The following F13A1 variants were observed in gnomAD, a reference collection of about 807,000 sequenced individuals.
F13A1 encodes the protein coagulation factor XIII A chain.
In F13A1, 47 loss-of-function variants were observed where a neutral mutation model predicts 80.1. The observed-to-expected ratio is 0.59, with a 90% confidence interval of 0.46 to 0.75. The LOEUF (loss-of-function observed/expected upper bound fraction) is 0.75, where lower values mean the gene tolerates loss of function less well. Ranked by LOEUF, F13A1 falls within the 30% of genes least tolerant of loss-of-function variation. The pLI is 0.00. For missense variants in F13A1, 817 were observed against 930.4 expected, an observed-to-expected ratio of 0.88 and a Z score of 1.59; for synonymous variants, 349 against 344.9, an observed-to-expected ratio of 1.01 and a Z score of -0.13.
intron 3 of F13A1, among the ~76,000 whole-genome samples, chr6:6,268,813 C>A (rs911097570): frequency 1.3e-5 from 2 of 151,572 alleles, no homozygotes; most frequent in Non-Finnish European, 2.9e-5. Context: ...CTCAGCCTCC[C>A]AAGTAGCTGG....
At chr6:6,150,731 T>C (rs775053065) in intron 14 of F13A1, among the ~76,000 whole-genome samples, 5 of 152,146 alleles carry the variant, frequency 3.3e-5, no homozygotes, top group Non-Finnish European at 7.4e-5. Context: ...ATGTGCTAGA[T>C]TGATTGATGC....
intron 8 of F13A1, among the ~76,000 whole-genome samples, chr6:6,220,856 A>G (rs1757183431): frequency 6.6e-6 from 1 of 152,190 alleles, no homozygotes; most frequent in African/African-American, 2.4e-5. Context: ...TTTTTAATTC[A>G]TGGTAGCACT....
intron 3 of F13A1, among the ~76,000 whole-genome samples, chr6:6,281,506 AG>A (rs1204776096): frequency 2.0e-5 from 3 of 152,218 alleles, no homozygotes; most frequent in African/African-American, 7.2e-5. Context: ...ACTAGGTAGG[AG>A]GAGCTCAGTT....
At chr6:6,215,846 A>AT (rs1160976313) in intron 8 of F13A1, among the ~76,000 whole-genome samples, 1 of 121,322 alleles carries the variant, frequency 8.2e-6, no homozygotes. Flanking sequence ...AGGATACAAA[A>AT]TCAATGTACA....
At chr6:6,270,264 C>G (rs1320255840) in intron 3 of F13A1, among the ~76,000 whole-genome samples, 2 of 152,060 alleles carry the variant, frequency 1.3e-5, no homozygotes, top group Admixed American at 1.3e-4. Context: ...AACACTTGAG[C>G]CTAAGAAGAA....
intron 4 of F13A1, among the ~76,000 whole-genome samples, chr6:6,264,176 T>G (rs964405456): frequency 1.3e-5 from 2 of 152,224 alleles, no homozygotes; most frequent in African/African-American, 4.8e-5. Context: ...AAAGTTAATA[T>G]GTCAAGCAAC....
chr6:6,287,453 A>G (rs1758154706), intron 3 of F13A1, among the ~76,000 whole-genome samples: 1 of 151,828 alleles, frequency 6.6e-6, no homozygotes, highest in South Asian at 2.1e-4. Context: ...AAACAGACAT[A>G]GGAGCAAGGG....
At chr6:6,186,631 T>C (rs1234630008) in intron 10 of F13A1, among the ~76,000 whole-genome samples, 1 of 152,214 alleles carries the variant, frequency 6.6e-6, no homozygotes, top group Non-Finnish European at 1.5e-5. Context: ...CGTAGCCTTG[T>C]AGTATAGTTT....
chr6:6,214,106 A>G (rs1232247820), intron 8 of F13A1, among the ~76,000 whole-genome samples: 5 of 130,560 alleles, frequency 3.8e-5, no homozygotes, highest in Non-Finnish European at 4.9e-5. Flanking sequence ...CACTGTCAAC[A>G]TTAGACAGAT....
intron 3 of F13A1, among the ~76,000 whole-genome samples, chr6:6,300,039 G>T (rs575783899): frequency 6.8e-6 from 1 of 147,146 alleles, no homozygotes; most frequent in Non-Finnish European, 1.5e-5. Context: ...CTGCTGGGGG[G>T]TGCCTCCCAG....
intron 13 of F13A1, among the ~76,000 whole-genome samples, chr6:6,158,833 G>A (rs964769660): frequency 1.3e-5 from 2 of 152,032 alleles, no homozygotes; most frequent in Non-Finnish European, 2.9e-5. Context: ...GTCTCACAGT[G>A]TAGCCAGTCA....
chr6:6,235,140 A>C (rs1159617708), intron 6 of F13A1, among the ~76,000 whole-genome samples: 2 of 152,062 alleles, frequency 1.3e-5, no homozygotes, highest in Non-Finnish European at 2.9e-5. Context: ...AATGAACTCA[A>C]AATGAACCTT....
intron 8 of F13A1, among the ~76,000 whole-genome samples, chr6:6,214,093 C>T (rs1761674924): frequency 7.7e-6 from 1 of 130,318 alleles, no homozygotes; most frequent in Non-Finnish European, 1.6e-5. Context: ...GACTTTAACA[C>T]CCCACTGTCA....
chr6:6,181,021 G>T (rs985167168), intron 11 of F13A1, among the ~76,000 whole-genome samples: 2 of 152,152 alleles, frequency 1.3e-5, no homozygotes. Flanking sequence ...TCCCCATCAG[G>T]ACACTCACGG....
At chr6:6,316,255 T>G (rs182098292) in intron 2 of F13A1, among the ~76,000 whole-genome samples, 1 of 150,110 alleles carries the variant, frequency 6.7e-6, no homozygotes, top group Admixed American at 6.6e-5. Flanking sequence ...ATTAAATGAA[T>G]GCATATGTAT....
intron 13 of F13A1, among the ~76,000 whole-genome samples, chr6:6,163,901 C>T (rs1299973766): frequency 6.6e-6 from 1 of 152,180 alleles, no homozygotes; most frequent in African/African-American, 2.4e-5. Flanking sequence ...CTGTTTTCCA[C>T]AATGATTGAA....
intron 3 of F13A1, among the ~76,000 whole-genome samples, chr6:6,301,230 A>G (rs1225274812): frequency 6.6e-6 from 1 of 152,196 alleles, no homozygotes; most frequent in African/African-American, 2.4e-5. Context: ...TATGGCAGCC[A>G]TGAAGTTGAG....
At chr6:6,277,873 TC>T (rs1197243908) in intron 3 of F13A1, among the ~76,000 whole-genome samples, 1 of 152,232 alleles carries the variant, frequency 6.6e-6, no homozygotes, top group East Asian at 1.9e-4. Context: ...TCATAGCTCC[TC>T]CTGTAACCTG....
At chr6:6,222,466 G>A (rs774854826) in intron 7 of F13A1, among the ~76,000 whole-genome samples, 6 of 152,096 alleles carry the variant, frequency 3.9e-5, no homozygotes, top group Admixed American at 1.3e-4. Flanking sequence ...GATCATCAAC[G>A]TAGTATTATT....
Sources: gnomAD v4.1 joint callset for allele counts (sites outside exome capture counted in the v4.1 genomes callset) on GRCh38, gnomAD v4.1.1 for gene constraint, MANE v1.5 for transcripts, NCBI Gene and HGNC (gene_info 2026-07-23, HGNC 2026-07-21) for gene names.